CXCL13: variants seen among roughly 807,000 people sequenced by gnomAD.
The protein encoded by CXCL13 is C-X-C motif chemokine 13.
A neutral mutation model predicts 12.2 loss-of-function variants in CXCL13; 7 were observed. That is an observed-to-expected ratio of 0.57 (90% CI 0.33 to 1.07). The LOEUF (loss-of-function observed/expected upper bound fraction) is 1.07, where lower values mean the gene tolerates loss of function less well. Ranked by LOEUF, CXCL13 falls within the 50% of genes least tolerant of loss-of-function variation. The probability of loss-of-function intolerance (pLI) is 0.04; values close to 1 mark genes in which losing one functional copy is unlikely to be tolerated. For synonymous variants in CXCL13, 47 were observed against 42.4 expected, an observed-to-expected ratio of 1.11 and a Z score of -0.42; for missense variants, 113 against 127.4, an observed-to-expected ratio of 0.89 and a Z score of 0.55.
Position 77,587,043 on chromosome 4 carries a change from T to G in CXCL13, c.-42-18781T>G, listed in dbSNP as rs117605225. ...TAGCTTGGCAGTATGGGGCGGCTGC[T>G]GCTTAGTCACTCCTAACTCAGGAAC... On this transcript the variant is annotated intron_variant, in intron 1 of 4. Transcript: ENST00000286758. Among the ~76,000 whole-genome samples, 157 of 152,308 alleles carry G rather than the reference T, an allele frequency of 1.0e-3. 3 individuals are homozygous for G. The East Asian group carries it at 0.028, about 27-fold the overall frequency.
intron 1 of CXCL13, among the ~76,000 whole-genome samples, chr4:77,547,095 G>A (rs1368623426): frequency 2.0e-5 from 3 of 152,204 alleles, no homozygotes; most frequent in Non-Finnish European, 4.4e-5. Flanking sequence ...TTGCACTGTG[G>A]TCTGAGAGAC....
intron 1 of CXCL13, among the ~76,000 whole-genome samples, chr4:77,519,135 C>G (rs937229673): frequency 4.6e-5 from 7 of 152,134 alleles, no homozygotes; most frequent in Admixed American, 1.3e-4. Flanking sequence ...ATGCTGCTGT[C>G]TGATCGTTCC....
intron 1 of CXCL13, among the ~76,000 whole-genome samples, chr4:77,577,717 T>C (rs1355448754): frequency 2.6e-5 from 4 of 152,160 alleles, no homozygotes; most frequent in Non-Finnish European, 4.4e-5. Context: ...TCACTGGGAC[T>C]CAGGGATATA....
chr4:77,561,520 G>A (rs1409984839), intron 1 of CXCL13, among the ~76,000 whole-genome samples: 1 of 152,242 alleles, frequency 6.6e-6, no homozygotes, highest in Non-Finnish European at 1.5e-5. Flanking sequence ...GGCTAACTTA[G>A]CCAAGATCGT....
At chr4:77,604,092 T>G (rs1352636203), upstream of CXCL13, among the ~76,000 whole-genome samples, 2 of 152,052 alleles carry the variant, frequency 1.3e-5, no homozygotes, top group Non-Finnish European at 2.9e-5. Flanking sequence ...CGGCAAGGAG[T>G]GCAGTTAGCT....
At chr4:77,585,174 T>C (rs1414534501) in intron 1 of CXCL13, among the ~76,000 whole-genome samples, 1 of 152,190 alleles carries the variant, frequency 6.6e-6, no homozygotes, top group Non-Finnish European at 1.5e-5. Flanking sequence ...TCAAAGCTGT[T>C]TTCTGAAACC....
At position 77,611,315 on chromosome 4, in the gene CXCL13, G is replaced by C. The variant is rs997296970; in HGVS notation, c.*276G>C. 36 of 372,812 alleles carry C rather than the reference G, an allele frequency of 9.7e-5. No homozygotes were observed. The highest frequency in any genetic ancestry group is 7.0e-4 in the African/African-American group (34 of 48,242). 23.1% of individuals were successfully genotyped at this position (372,812 alleles called of 1,614,324 possible). On this transcript the variant is annotated 3_prime_UTR_variant, in exon 4 of 4. Coordinates refer to ENST00000682537, the MANE Select transcript of CXCL13 (RefSeq NM_001371558.1). ...GTTATAAGTAATACAGGATTATTTT[G>C]ATTATATACTTGTTGTTTAATGTTT...
At position 77,533,267 on chromosome 4, in the gene CXCL13, C is replaced by G. The variant is rs1298322281; in HGVS notation, c.-43+21479C>G. On this transcript the variant is annotated intron_variant, in intron 1 of 4. Coordinates refer to the CXCL13 transcript ENST00000286758. ...TCCTTCTAACAGTCAGGACCCTCAG[C>G]TGCAGGTCTGTTGGAGTTTGCTGGA... Among the ~76,000 whole-genome samples the G allele has an allele frequency of 2.6e-5, 4 of 152,352 alleles. No homozygotes were observed. In the East Asian group the frequency reaches 5.8e-4, roughly 22 times the overall value.
intron 1 of CXCL13, among the ~76,000 whole-genome samples, chr4:77,579,916 A>T (rs1440411540): frequency 1.3e-5 from 2 of 152,202 alleles, no homozygotes; most frequent in Non-Finnish European, 2.9e-5. Flanking sequence ...ACATCCTGAA[A>T]AATAGCTATG....
At chr4:77,610,880 C>A in intron 3 of CXCL13, 108 bp from the exon 4 acceptor site, 1 of 1,030,196 alleles carries the variant, frequency 9.7e-7, no homozygotes, top group South Asian at 1.4e-5. Flanking sequence ...GTAAACCAAA[C>A]TAGATGCCAG....
At chr4:77,564,913 TG>T (rs1725889096) in intron 1 of CXCL13, among the ~76,000 whole-genome samples, 1 of 152,162 alleles carries the variant, frequency 6.6e-6, no homozygotes, top group South Asian at 2.1e-4. Flanking sequence ...GGGGTTAGGG[TG>T]GGGGCAACCA....
chr4:77,552,586 G>A (rs1227701009), intron 1 of CXCL13, among the ~76,000 whole-genome samples: 1 of 152,246 alleles, frequency 6.6e-6, no homozygotes, highest in Non-Finnish European at 1.5e-5. Context: ...GAGGCAGGGG[G>A]CAAGATGTGT....
At chr4:77,558,767 C>T (rs1236830378) in intron 1 of CXCL13, among the ~76,000 whole-genome samples, 1 of 152,118 alleles carries the variant, frequency 6.6e-6, no homozygotes, top group East Asian at 1.9e-4. Flanking sequence ...CAACAAAGGC[C>T]CTGACCCTGG....
chr4:77,531,628 C>G (rs1724920402), intron 1 of CXCL13, among the ~76,000 whole-genome samples: 1 of 152,046 alleles, frequency 6.6e-6, no homozygotes, highest in African/African-American at 2.4e-5. Flanking sequence ...ATTGATCTGT[C>G]TAATGGTGAC....
chr4:77,568,472 C>T (rs1180633261), intron 1 of CXCL13, among the ~76,000 whole-genome samples: 2 of 152,204 alleles, frequency 1.3e-5, no homozygotes, highest in East Asian at 1.9e-4. Flanking sequence ...AAAATGCTTG[C>T]TTATGCTCAT....
chr4:77,576,880 G>A (rs1329046209), intron 1 of CXCL13, among the ~76,000 whole-genome samples: 1 of 152,132 alleles, frequency 6.6e-6, no homozygotes, highest in East Asian at 1.9e-4. Flanking sequence ...GCAGAAATGA[G>A]GACTGGAGAG....
intron 1 of CXCL13, among the ~76,000 whole-genome samples, chr4:77,581,023 T>C (rs355682): frequency 0.95 from 144,574 of 152,078 alleles, 68,794 homozygotes; most frequent in African/African-American, 0.99. Context: ...TTACACAATT[T>C]CATTCAAATA....
Position 77,530,454 on chromosome 4 carries a change from G to T in CXCL13, c.-43+18666G>T, listed in dbSNP as rs537653087. On this transcript the variant is annotated intron_variant, in intron 1 of 4. Transcript: ENST00000286758. ...TATTAATTATTGCATCAATTTCAGA[G>T]CCTGTTATTGTCTATTCAGAGATTC... Among the ~76,000 whole-genome samples the T allele has an allele frequency of 7.9e-5, 12 of 152,208 alleles. No individual in the cohort carries two copies. The South Asian group carries it at 2.3e-3, about 29-fold the overall frequency.
chr4:77,604,274 C>T (rs1392349572), upstream of CXCL13, among the ~76,000 whole-genome samples: 1 of 152,154 alleles, frequency 6.6e-6, no homozygotes. Flanking sequence ...GAGCTCCCCA[C>T]TGAGCTGTTG....
Sources: gnomAD v4.1 joint callset for allele counts (sites outside exome capture counted in the v4.1 genomes callset) on GRCh38, gnomAD v4.1.1 for gene constraint, MANE v1.5 for transcripts, NCBI Gene and HGNC (gene_info 2026-07-23, HGNC 2026-07-21) for gene names.